The following SBF1 variants were observed in gnomAD, a reference collection of about 807,000 sequenced individuals.
SBF1 encodes the protein myotubularin-related protein 5.
In SBF1, 65 loss-of-function variants were observed where a neutral mutation model predicts 215.8. That is an observed-to-expected ratio of 0.30 (90% CI 0.25 to 0.37). SBF1 has a LOEUF of 0.37. Ranked by LOEUF, SBF1 falls within the 10% of genes least tolerant of loss-of-function variation. The pLI is 1.00. For synonymous variants in SBF1, 1,410 were observed against 1,122.8 expected, an observed-to-expected ratio of 1.26 and a Z score of -5.11; for missense variants, 2,634 against 2,667.8, an observed-to-expected ratio of 0.99 and a Z score of 0.28.
At chr22:50,462,524 G>A in intron 18 of SBF1, 35 bp downstream of exon 18, 1 of 1,608,782 alleles carries the variant, frequency 6.2e-7, no homozygotes, top group South Asian at 1.1e-5. Context: ...CCAGCCCCTA[G>A]CCCCCAGCCC....
chr22:50,468,851 C>T (rs1231609124), intron 1 of SBF1, among the ~76,000 whole-genome samples: 1 of 152,132 alleles, frequency 6.6e-6, no homozygotes, highest in South Asian at 2.1e-4. Context: ...TGGGCATCCC[C>T]CAGAGCTCCC....
At position 50,462,047 on chromosome 22, in the gene SBF1, A is replaced by G; in HGVS notation, c.2469T>C (p.Ala823=). Residue 823 remains alanine, a synonymous_variant, in exon 20 of 41, where the codon GCT becomes GCC. Coordinates refer to ENST00000380817, the MANE Select transcript of SBF1 (RefSeq NM_002972.4). ...GFEDAETCDV[A]GAVVRFINRF... The stretch of plus-strand genomic sequence containing the variant: ...GGTTGATGAAGCGGACCACAGCCCC[A>G]GCTACGTCGCAGGTCTCTGCATCCT... 6.2e-7 allele frequency: 1 copy of G among 1,614,174 alleles called. No individual in the cohort carries two copies. Among genetic ancestry groups the G allele is most frequent in the Non-Finnish European group, 8.5e-7 (1 of 1,180,032 alleles).
At chr22:50,458,611 T>C (rs2067361444) in intron 28 of SBF1, among the ~76,000 whole-genome samples, 1 of 152,200 alleles carries the variant, frequency 6.6e-6, no homozygotes, top group Admixed American at 6.5e-5. Context: ...ACTTCTGAAC[T>C]AGAGAACAGG....
chr22:50,446,792 C>T lies in SBF1; in HGVS notation c.*350G>A, dbSNP rs751279641. ...GCAGGCAGCCGGGGAGTGGGGAAGGCAGGCACAGGAGCGTGGCGTTAGTTC... is the reference window on the plus strand; with the variant it reads ...GCAGGCAGCCGGGGAGTGGGGAAGGTAGGCACAGGAGCGTGGCGTTAGTTC... On this transcript the variant is annotated 3_prime_UTR_variant, in exon 41 of 41. Coordinates refer to ENST00000380817, the MANE Select transcript of SBF1 (RefSeq NM_002972.4). 3 of 598,162 alleles carry T rather than the reference C, an allele frequency of 5.0e-6. No individual in the cohort carries two copies. The East Asian group carries it at 1.1e-4, about 22-fold the overall frequency. 37.1% of individuals were successfully genotyped at this position (598,162 alleles called of 1,614,324 possible). A position where few individuals can be genotyped will look rare whatever the true frequency, so the allele number is the denominator to read the frequency against.
chr22:50,474,461 T>C (rs1318682865), intron 1 of SBF1, among the ~76,000 whole-genome samples: 1 of 152,094 alleles, frequency 6.6e-6, no homozygotes, highest in Non-Finnish European at 1.5e-5. Flanking sequence ...GGCCCAGCCT[T>C]CTCTCCCTGC....
In SBF1 at chr22:50,467,846, G is replaced by A. The variant is rs750211528; in HGVS notation, c.219C>T (p.Ile73=). ...PTFFVAVLTD[I]NSERHYCACL... The stretch of plus-strand genomic sequence containing the variant: ...AGGCGCAGTAGTGGCGCTCGGAGTT[G>A]ATGTCGGTGAGGACAGCAACAAAGA... The change falls in exon 3 of 41, where the codon ATC becomes ATT. Residue 73 remains isoleucine (I), a synonymous_variant. Coordinates refer to ENST00000380817, the MANE Select transcript of SBF1 (RefSeq NM_002972.4). 9.9e-6 allele frequency: 16 copies of A among 1,613,920 alleles called. No homozygotes were observed. The highest frequency in any genetic ancestry group is 1.4e-5 in the Non-Finnish European group (16 of 1,179,988).
chr22:50,464,491 TGGGCCACGCTCG>T (rs1427035904), intron 14 of SBF1, 31 bp downstream of exon 14: 15 of 1,601,806 alleles, frequency 9.4e-6, no homozygotes, highest in Non-Finnish European at 1.3e-5. Flanking sequence ...ACGCCCATCC[TGGGCCACGCTCG>T]GGGCCTGCCT....
At position 50,455,593 on chromosome 22, in the gene SBF1, A is replaced by T. The variant is rs2067215164; in HGVS notation, c.4267-11T>A. On this transcript the variant is annotated splice_polypyrimidine_tract_variant and intron_variant, in intron 31 of 40. Coordinates refer to ENST00000380817, the MANE Select transcript of SBF1 (RefSeq NM_002972.4). ...CAGCAGCTTGTGGATCTGCAGGGAC[A>T]GGCGGCCTCAGCACCTCGGGGACCC... is the stretch of plus-strand genomic sequence containing the variant. The T allele has an allele frequency of 6.4e-7, 1 of 1,559,710 alleles. No individual in the cohort carries two copies. The highest frequency in any genetic ancestry group is 8.7e-7 in the Non-Finnish European group (1 of 1,151,772).
chr22:50,452,232 T>C (rs561533695), intron 36 of SBF1, among the ~76,000 whole-genome samples: 81 of 151,974 alleles, frequency 5.3e-4, no homozygotes, highest in African/African-American at 1.9e-3. Context: ...CCAAGATGTT[T>C]TCAGATAAAC....
At chr22:50,467,204 G>T in intron 5 of SBF1, 134 bp downstream of exon 5, 1 of 703,242 alleles carries the variant, frequency 1.4e-6, no homozygotes. Flanking sequence ...TGGGGGCAAT[G>T]GTGGCACGAG....
chr22:50,446,377 C>CCAGGTCT lies in SBF1; in HGVS notation c.*764_*765insAGACCTG, dbSNP rs59403049. On this transcript the variant is annotated 3_prime_UTR_variant, in exon 41 of 41. Transcript: ENST00000380817. ...ACTGTCCCCCCCCCCCCCCCGCCTC[C>CCAGGTCT]GGCCTCCATCCCTTCAGCTCGGGTC... 2 of 111,514 alleles carry CCAGGTCT rather than the reference C, an allele frequency of 1.8e-5. No homozygotes were observed. The highest frequency in any genetic ancestry group is 8.0e-5 in the African/African-American group (2 of 24,986). 6.9% of individuals were successfully genotyped at this position (111,514 alleles called of 1,614,324 possible). A position where few individuals can be genotyped will look rare whatever the true frequency, so the allele number is the denominator to read the frequency against.
chr22:50,466,021 A>G lies in SBF1; in HGVS notation c.951T>C (p.Cys317=). The G allele has an allele frequency of 6.2e-7, 1 of 1,613,984 alleles. No individual in the cohort carries two copies. The highest frequency in any genetic ancestry group is 2.2e-5 in the East Asian group (1 of 44,890). The change falls in exon 9 of 41, where the codon TGT becomes TGC. Residue 317 remains cysteine, a synonymous_variant. Transcript: ENST00000380817. ...GCTCTGGCAAGGGTGGAATGTGCAC[A>G]CACTCAGGAATGGTGACCGTCCCTC... ...LDGGTVTIPE[C]VHIPPLPEPL...
intron 25 of SBF1, 28 bp from the exon 26 acceptor site, chr22:50,460,187 C>T (rs2067444131): frequency 1.9e-6 from 3 of 1,607,354 alleles, no homozygotes; most frequent in Non-Finnish European, 1.7e-6. Context: ...ACGTGGTCAT[C>T]ACGGGGCCAC....
In SBF1 at chr22:50,461,632, C is replaced by T. The variant is rs743039; in HGVS notation, c.2730G>A (p.Glu910=). 7.0e-4 allele frequency: 1,129 copies of T among 1,611,432 alleles called. 10 individuals are homozygous for T. In the African/African-American group the frequency reaches 0.013, roughly 19 times the overall value. ...CCCCAGCACTGCCCCCCGCGCCCTC[C>T]TCACGCCCATCCGGCAGCAGGTAGA... The part of the protein sequence containing the change: ...LRVYLLPDGR[E]EGAGGSAGGP... The change falls in exon 22 of 41, where the codon GAG becomes GAA. Residue 910 remains glutamate (E), a synonymous_variant. Coordinates refer to ENST00000380817, the MANE Select transcript of SBF1 (RefSeq NM_002972.4).
intron 28 of SBF1, among the ~76,000 whole-genome samples, chr22:50,458,383 T>C (rs1023137996): frequency 1.3e-5 from 2 of 150,230 alleles, no homozygotes; most frequent in South Asian, 2.1e-4. Context: ...CCCCTGAGCA[T>C]TGCTGGGCAC....
chr22:50,460,128 G>A lies in SBF1; in HGVS notation c.3315C>T (p.Thr1105=), dbSNP rs201341949. ...VSEELEPSTL[T]PSSALKPSDR... ...CGGAGGGCTTCAGGGCTGAGGACGG[G>A]GTCAGCGTGCTGGGCTCCAGCTCCT... The change falls in exon 26 of 41, where the codon ACC becomes ACT. Residue 1105 remains threonine (T), a synonymous_variant. Transcript: ENST00000380817. The A allele has an allele frequency of 9.9e-5, 159 of 1,612,544 alleles. No homozygotes were observed. Among genetic ancestry groups the A allele is most frequent in the Non-Finnish European group, 1.3e-4 (150 of 1,179,984 alleles).
In SBF1 at chr22:50,465,982, C is replaced by A. The variant is rs1402431632; in HGVS notation, c.990G>T (p.Gln330His). Residue 330 changes from glutamine to histidine, a missense_variant, in exon 9 of 41, where the codon CAG (glutamine) becomes CAT (histidine). By Grantham distance (24) the Gln-to-His change is conservative. Transcript: ENST00000380817. ...IPPLPEPLQS[Q>H]THSVLSMVLD... is the part of the protein sequence containing the mutation. ...TCACCATGCTCAGCACACTGTGCGT[C>A]TGACTCTGCAGTGGCTCTGGCAAGG... is the stretch of plus-strand genomic sequence containing the variant. The A allele has an allele frequency of 1.9e-6, 3 of 1,614,032 alleles. No individual in the cohort carries two copies. The highest frequency in any genetic ancestry group is 2.5e-6 in the Non-Finnish European group (3 of 1,180,022).
At chr22:50,456,842 C>T (rs918543506) in intron 29 of SBF1, among the ~76,000 whole-genome samples, 169 bp from the exon 30 acceptor site, 3 of 152,094 alleles carry the variant, frequency 2.0e-5, no homozygotes, top group East Asian at 1.9e-4. Context: ...GATTCTGAGA[C>T]GTGGGGTGGC....
Position 50,464,210 on chromosome 22 carries a change from G to C in SBF1, c.1749+119C>G, listed in dbSNP as rs1055119033. On this transcript the variant is annotated intron_variant, in intron 15 of 40. Transcript: ENST00000380817. ...CCTCCGGCCAGCCCAGCCACCTCTA[G>C]CTGTCTGTTAGGCAGAGGAGGCCCT... The C allele has an allele frequency of 8.4e-6, 7 of 834,504 alleles. No homozygotes were observed. The African/African-American group carries it at 1.0e-4, about 12-fold the overall frequency. The allele number at this position is 834,504 out of a possible 1,614,324, so 51.7% of individuals were successfully genotyped here.
Sources: allele counts gnomAD v4.1 joint callset (sites outside exome capture counted in the v4.1 genomes callset), GRCh38; gene constraint gnomAD v4.1.1; transcripts MANE v1.5; gene names NCBI Gene and HGNC (gene_info 2026-07-23, HGNC 2026-07-21).